CTCFL: variants seen among roughly 807,000 people sequenced by gnomAD.
The protein encoded by CTCFL is transcriptional repressor CTCFL.
A neutral mutation model predicts 67.4 loss-of-function variants in CTCFL; 36 were observed. The ratio of observed to expected loss-of-function variants is 0.53; its 90% CI spans 0.41 to 0.71. CTCFL has a LOEUF of 0.71. Ranked by LOEUF, CTCFL falls within the 30% of genes least tolerant of loss-of-function variation. The pLI, the probability that CTCFL is intolerant of heterozygous loss-of-function variation, is 0.00. For missense variants in CTCFL, 786 were observed against 835.2 expected (o/e 0.94, Z 0.73); for synonymous variants, 324 against 302.3 (o/e 1.07, Z -0.75).
chr20:57,522,509 T>A (rs2069456395), intron 3 of CTCFL, among the ~76,000 whole-genome samples: 1 of 152,188 alleles, frequency 6.6e-6, no homozygotes, highest in South Asian at 2.1e-4. Flanking sequence ...TCCACCTCTC[T>A]GAGCACCCAC....
chr20:57,504,885 C>T (rs949354999), intron 9 of CTCFL, among the ~76,000 whole-genome samples: 1 of 151,946 alleles, frequency 6.6e-6, no homozygotes. Flanking sequence ...GATATCCTGC[C>T]CTTTTAGGGC....
intron 1 of CTCFL, 52 bp from the exon 2 acceptor site, chr20:57,524,268 T>G: frequency 1.3e-6 from 2 of 1,528,816 alleles, no homozygotes; most frequent in Admixed American, 1.9e-5. Flanking sequence ...GGGGGTGGTA[T>G]GAGGAGGGAT....
chr20:57,504,185 C>A (rs1456504330), intron 9 of CTCFL, among the ~76,000 whole-genome samples: 4 of 151,890 alleles, frequency 2.6e-5, no homozygotes, highest in Admixed American at 2.0e-4. Context: ...ACCGTGTTAG[C>A]CAGGATGGTC....
chr20:57,499,073 C>CGGGGGGGG (rs11475885), intron 10 of CTCFL, among the ~76,000 whole-genome samples: 9 of 65,438 alleles, frequency 1.4e-4, no homozygotes, highest in South Asian at 1.6e-3. Flanking sequence ...CTGAAGGTGA[C>CGGGGGGGG]GGGGGGGGGG....
At chr20:57,519,516 C>G in intron 3 of CTCFL, 139 bp from the exon 4 acceptor site, 1 of 734,068 alleles carries the variant, frequency 1.4e-6, no homozygotes, top group South Asian at 1.8e-5. Context: ...ACAAGCTGAT[C>G]GAAGCAATTC....
chr20:57,512,602 G>A lies in CTCFL; in HGVS notation c.1481C>T (p.Ala494Val). ...AGTAAAGTACAATACCTGCTTGCAGGCATAACTGCAGTGTTTGCACTTGAA... is the reference window on the plus strand; with the variant it reads ...AGTAAAGTACAATACCTGCTTGCAGACATAACTGCAGTGTTTGCACTTGAA... ...KRFKCKHCSY[A>V]CKQERHMTAH... The change falls in exon 8 of 11, where the codon GCC (alanine) becomes GTC (valine). Residue 494 changes from alanine to valine, a missense_variant. Around this residue, in one of 3 missense-constraint regions of CTCFL, gnomAD observed 254 missense variants for 333.9 expected, o/e 0.76. Transcript: ENST00000243914. 1 of 1,614,074 alleles carries A rather than the reference G, an allele frequency of 6.2e-7. No individual in the cohort carries two copies. The highest frequency in any genetic ancestry group is 8.5e-7 in the Non-Finnish European group (1 of 1,179,970).
chr20:57,517,572 C>T (rs1183095335), intron 5 of CTCFL, among the ~76,000 whole-genome samples: 3 of 152,004 alleles, frequency 2.0e-5, no homozygotes, highest in Non-Finnish European at 4.4e-5. Flanking sequence ...GCCACCGCGC[C>T]CGGCCAATTC....
At chr20:57,510,850 C>T (rs966889211) in intron 8 of CTCFL, among the ~76,000 whole-genome samples, 6 of 152,072 alleles carry the variant, frequency 3.9e-5, no homozygotes, top group South Asian at 2.1e-4. Context: ...AGTGAGACTC[C>T]GTCTAAAAAA....
At position 57,519,122 on chromosome 20, in the gene CTCFL, T is replaced by C. The variant is rs1026992011; in HGVS notation, c.925+85A>G. The C allele has an allele frequency of 7.2e-6, 10 of 1,390,620 alleles. No individual in the cohort carries two copies. In the African/African-American group the frequency reaches 1.4e-4, roughly 20 times the overall value. The allele number at this position is 1,390,620 out of a possible 1,614,324, so 86.1% of individuals were successfully genotyped here. On this transcript the variant is annotated intron_variant, in intron 4 of 10. Coordinates refer to ENST00000243914, the MANE Select transcript of CTCFL (RefSeq NM_001386993.1). ...TAAAGTATAAAATGTTACACGATTC[T>C]ACTGTAGAAACAGGTGGATTCACAT...
downstream of CTCFL, among the ~76,000 whole-genome samples, chr20:57,497,007 A>ATT (rs34176396): frequency 2.9e-5 from 4 of 138,960 alleles, no homozygotes; most frequent in African/African-American, 2.7e-5. Context: ...TGCTATTTCC[A>ATT]TTTTTTTTTT....
chr20:57,517,212 AAAG>A (rs2068989562), intron 5 of CTCFL, among the ~76,000 whole-genome samples: 1 of 152,194 alleles, frequency 6.6e-6, no homozygotes, highest in East Asian at 1.9e-4. Context: ...GTGAATGAGC[AAAG>A]AAGGCCATTA....
At chr20:57,513,406 A>G (rs2068691403) in intron 7 of CTCFL, 9 of 987,794 alleles carry the variant, frequency 9.1e-6, no homozygotes, top group Admixed American at 6.1e-5. Flanking sequence ...TGTGTGATGG[A>G]GCTACTCCAC....
rs995048406 is a variant in CTCFL, at chr20:57,497,424, AT to A, written c.*1125del. On this transcript the variant is annotated 3_prime_UTR_variant, in exon 11 of 11. Transcript: ENST00000243914. ...TTGTGATATTTTCAATAAAAGGTCC[AT>A]ATCTTAAGAATTTGAATTTAGGGCT... 2.0e-6 allele frequency: 2 copies of A among 985,266 alleles called. No individual in the cohort carries two copies. The highest frequency in any genetic ancestry group is 3.5e-5 in the African/African-American group (2 of 57,248). 61.0% of individuals were successfully genotyped at this position (985,266 alleles called of 1,614,324 possible). A position where few individuals can be genotyped will look rare whatever the true frequency, so the allele number is the denominator to read the frequency against.
chr20:57,505,920 C>T (rs746989908), intron 9 of CTCFL, among the ~76,000 whole-genome samples: 38 of 152,184 alleles, frequency 2.5e-4, no homozygotes, highest in Admixed American at 1.6e-3. Context: ...CGAAACATCC[C>T]GCCTGATTCC....
intron 9 of CTCFL, among the ~76,000 whole-genome samples, chr20:57,504,284 C>CTTT (rs1280310031): frequency 7.1e-6 from 1 of 141,336 alleles, no homozygotes; most frequent in African/African-American, 2.6e-5. Context: ...CCCCCGTCTC[C>CTTT]TTTTTTTTTT....
At chr20:57,513,811 A>G in intron 7 of CTCFL, 1 of 1,285,392 alleles carries the variant, frequency 7.8e-7, no homozygotes, top group Non-Finnish European at 1.0e-6. Flanking sequence ...ATTTTTGTGT[A>G]TCACAGTGTC....
At position 57,503,265 on chromosome 20, in the gene CTCFL, G is replaced by A. The variant is rs905521846; in HGVS notation, c.1840+171C>T. ...GGGGCTCTCACACTGACTTTCTCAC[G>A]CTATGCTCACTGCCATTCTGAGAGA... On this transcript the variant is annotated intron_variant, in intron 10 of 10. Coordinates refer to ENST00000243914, the MANE Select transcript of CTCFL (RefSeq NM_001386993.1). Among the ~76,000 whole-genome samples, 12 of 152,188 alleles carry A rather than the reference G, an allele frequency of 7.9e-5. No homozygotes were observed. In the East Asian group the frequency reaches 1.7e-3, roughly 22 times the overall value.
At chr20:57,500,033 G>A (rs959354059) in intron 10 of CTCFL, 1 of 985,418 alleles carries the variant, frequency 1.0e-6, no homozygotes, top group East Asian at 1.1e-4. Context: ...GAACGTGACT[G>A]TCTCATGTTC....
chr20:57,509,862 C>T (rs1196371361), intron 8 of CTCFL, among the ~76,000 whole-genome samples: 1 of 152,116 alleles, frequency 6.6e-6, no homozygotes, highest in Non-Finnish European at 1.5e-5. Context: ...TCCAGGACCG[C>T]GGCAGCCAGG....
Sources: allele counts gnomAD v4.1 joint callset (sites outside exome capture counted in the v4.1 genomes callset), GRCh38; gene constraint gnomAD v4.1.1; regional missense constraint gnomAD v4.1.1; transcripts MANE v1.5; gene names NCBI Gene and HGNC (gene_info 2026-07-23, HGNC 2026-07-21).